Variants in SLC44A5 observed in about 807,000 individuals in gnomAD.
The protein encoded by SLC44A5 is solute carrier family 44 member 5, also known as choline transporter-like protein 5.
A neutral mutation model predicts 101.8 loss-of-function variants in SLC44A5; 57 were observed. The observed-to-expected ratio is 0.56, with a 90% confidence interval of 0.45 to 0.70. SLC44A5 has a LOEUF of 0.70. Among genes scored for constraint, SLC44A5 ranks in the 30% least tolerant of loss-of-function variants. SLC44A5 has a pLI of 0.00. For synonymous variants in SLC44A5, 281 were observed against 290.9 expected (o/e 0.97, Z 0.35); for missense variants, 737 against 853.1 (o/e 0.86, Z 1.70).
At chr1:75,646,680 G>A in the SLC44A5 span, among the ~76,000 whole-genome samples, 2 of 152,224 alleles carry the variant, frequency 1.3e-5, no homozygotes, top group Admixed American at 6.5e-5. Context: ...GGTTTTATAA[G>A]GGGCTTTTTC....
At chr1:75,615,265 G>A (rs1272629813), upstream of SLC44A5, among the ~76,000 whole-genome samples, 1 of 152,024 alleles carries the variant, frequency 6.6e-6, no homozygotes, top group Admixed American at 6.5e-5. Context: ...TGACCGCAGG[G>A]AAAAGGAGAG....
At chr1:75,479,638 C>T (rs1667694364) in intron 2 of SLC44A5, among the ~76,000 whole-genome samples, 1 of 152,218 alleles carries the variant, frequency 6.6e-6, no homozygotes, top group Admixed American at 6.5e-5. Flanking sequence ...CGCAAATGAA[C>T]TAGAAAATCT....
chr1:75,227,646 C>A, intron 13 of SLC44A5, 80 bp downstream of exon 13: 1 of 1,216,136 alleles, frequency 8.2e-7, no homozygotes. Context: ...ACAGGTTATA[C>A]CAACCCAAGT....
intron 2 of SLC44A5, among the ~76,000 whole-genome samples, chr1:75,450,899 C>A (rs1665871929): frequency 6.6e-6 from 1 of 152,178 alleles, no homozygotes; most frequent in African/African-American, 2.4e-5. Context: ...GTCCAGCCTC[C>A]TGAGCCACCC....
At chr1:75,394,097 C>T (rs1437684328) in intron 3 of SLC44A5, among the ~76,000 whole-genome samples, 1 of 152,094 alleles carries the variant, frequency 6.6e-6, no homozygotes, top group Non-Finnish European at 1.5e-5. Flanking sequence ...AACACCCAGA[C>T]TTTAAGTGTG....
chr1:75,345,056 T>C (rs945749124), intron 3 of SLC44A5, among the ~76,000 whole-genome samples: 4 of 152,184 alleles, frequency 2.6e-5, no homozygotes, highest in Non-Finnish European at 5.9e-5. Flanking sequence ...ATCTTATATA[T>C]TTAATTTAGA....
intron 3 of SLC44A5, among the ~76,000 whole-genome samples, chr1:75,360,734 T>C (rs1307341701): frequency 6.6e-6 from 1 of 152,112 alleles, no homozygotes; most frequent in Non-Finnish European, 1.5e-5. Context: ...TATTATGAAA[T>C]CAGGGGGTGC....
the SLC44A5 span, among the ~76,000 whole-genome samples, chr1:75,701,947 C>A: frequency 6.6e-6 from 1 of 152,092 alleles, no homozygotes; most frequent in African/African-American, 2.4e-5. Context: ...ATCCAACCTA[C>A]AAGGGACATG....
chr1:75,214,644 G>T lies in SLC44A5; in HGVS notation c.1763C>A (p.Ala588Glu), dbSNP rs779336857. The change falls in exon 20 of 24, where the codon GCA (alanine) becomes GAA (glutamate). Residue 588 changes from alanine (A) to glutamate (E), a missense_variant. By Grantham distance (107) the Ala-to-Glu change is moderately radical (BLOSUM62 -1). Around this residue, in one of 3 missense-constraint regions of SLC44A5, gnomAD observed 665 missense variants for 764.4 expected, o/e 0.87. Transcript: ENST00000370859. ...AIYGRNFCRSAKDAFNLLMRN... is the reference protein window; with the variant it reads ...AIYGRNFCRSEKDAFNLLMRN... ...CATCAGCAGATTGAAAGCATCTTTT[G>T]CTGACCTGCAGAAGTTTCTGCCATA... 6.2e-7 allele frequency: 1 copy of T among 1,611,554 alleles called. No individual in the cohort carries two copies. The highest frequency in any genetic ancestry group is 1.3e-5 in the African/African-American group (1 of 74,960).
the SLC44A5 span, chr1:75,641,602 T>C: frequency 1.3e-6 from 2 of 1,500,204 alleles, no homozygotes; most frequent in South Asian, 1.1e-5. Flanking sequence ...GATTACATTC[T>C]TTGGGATTAT....
At chr1:75,666,889 C>T in the SLC44A5 span, among the ~76,000 whole-genome samples, 1 of 152,120 alleles carries the variant, frequency 6.6e-6, no homozygotes, top group African/African-American at 2.4e-5. Context: ...TTCAACATCC[C>T]TTCATGCTAA....
intron 3 of SLC44A5, among the ~76,000 whole-genome samples, chr1:75,391,802 C>T (rs1481002429): frequency 2.0e-5 from 3 of 152,150 alleles, no homozygotes; most frequent in Non-Finnish European, 4.4e-5. Context: ...ACCTTCTAGA[C>T]ATTGGTCTTG....
At chr1:75,253,227 CAAGT>C (rs1220720749) in intron 6 of SLC44A5, among the ~76,000 whole-genome samples, 2 of 152,270 alleles carry the variant, frequency 1.3e-5, no homozygotes. Context: ...AGAGAGGAGA[CAAGT>C]AATAGCAGGC....
At chr1:75,482,862 G>T (rs959950026) in intron 2 of SLC44A5, among the ~76,000 whole-genome samples, 3 of 151,968 alleles carry the variant, frequency 2.0e-5, no homozygotes, top group African/African-American at 7.2e-5. Context: ...ACTTGATAAG[G>T]TTTTCAGGAA....
chr1:75,690,663 G>T, the SLC44A5 span, among the ~76,000 whole-genome samples: 1 of 152,134 alleles, frequency 6.6e-6, no homozygotes, highest in African/African-American at 2.4e-5. Context: ...TTTGATCTAG[G>T]TTTTACCTAG....
chr1:75,478,920 C>A (rs942656400), intron 2 of SLC44A5, among the ~76,000 whole-genome samples: 10 of 152,172 alleles, frequency 6.6e-5, no homozygotes, highest in African/African-American at 1.7e-4. Context: ...ATCTACAGAA[C>A]TCTCCACCCC....
the SLC44A5 span, among the ~76,000 whole-genome samples, chr1:75,663,240 G>T: frequency 6.6e-6 from 1 of 152,184 alleles, no homozygotes; most frequent in South Asian, 2.1e-4. Flanking sequence ...CTTTTGGAAG[G>T]TAATTAGCTC....
chr1:75,467,075 C>G (rs967637282), intron 2 of SLC44A5, among the ~76,000 whole-genome samples: 1 of 151,912 alleles, frequency 6.6e-6, no homozygotes, highest in African/African-American at 2.4e-5. Context: ...AAAAAGTAAT[C>G]CCATGTACAA....
At chr1:75,505,815 G>T (rs1669221603) in intron 2 of SLC44A5, among the ~76,000 whole-genome samples, 1 of 152,028 alleles carries the variant, frequency 6.6e-6, no homozygotes, top group East Asian at 1.9e-4. Context: ...TGTTTAATTT[G>T]TTGATAGTTT....
Sources: gnomAD v4.1 joint callset for allele counts (sites outside exome capture counted in the v4.1 genomes callset) on GRCh38, gnomAD v4.1.1 for gene constraint, gnomAD v4.1.1 regional missense constraint, MANE v1.5 for transcripts, NCBI Gene and HGNC (gene_info 2026-07-23, HGNC 2026-07-21) for gene names.